Variants in EFL1 observed in about 807,000 individuals in gnomAD.
The protein encoded by EFL1 is elongation factor like GTPase 1, also known as elongation factor-like GTPase 1.
A neutral mutation model predicts 126.7 loss-of-function variants in EFL1; 76 were observed. The observed-to-expected ratio is 0.60, with a 90% CI of 0.50 to 0.73. The LOEUF (loss-of-function observed/expected upper bound fraction) is 0.73. Among genes scored for constraint, EFL1 ranks in the 30% least tolerant of loss-of-function variants. The pLI, the probability that EFL1 is intolerant of heterozygous loss-of-function variation, is 0.00. For missense variants in EFL1, 1,128 were observed against 1,343.2 expected (o/e 0.84, Z 2.50); for synonymous variants, 410 against 448.4 (o/e 0.91, Z 1.08).
intron 6 of EFL1, among the ~76,000 whole-genome samples, chr15:82,239,842 T>C (rs906803462): frequency 2.0e-5 from 3 of 152,190 alleles, no homozygotes; most frequent in African/African-American, 7.2e-5. Context: ...GACTTCTAAC[T>C]CATTCTTCCC....
intron 15 of EFL1, among the ~76,000 whole-genome samples, chr15:82,166,240 C>T (rs1004973421): frequency 6.6e-6 from 1 of 152,200 alleles, no homozygotes; most frequent in Admixed American, 6.5e-5. Flanking sequence ...ATGCAGACTG[C>T]AGATGGTCAG....
intron 15 of EFL1, among the ~76,000 whole-genome samples, chr15:82,208,211 A>T (rs2074546194): frequency 6.6e-6 from 1 of 152,258 alleles, no homozygotes. Flanking sequence ...AGTTTACCAG[A>T]TGGAAAGAAT....
At chr15:82,162,103 A>G (rs922619268) in intron 16 of EFL1, among the ~76,000 whole-genome samples, 7 of 152,062 alleles carry the variant, frequency 4.6e-5, no homozygotes, top group African/African-American at 1.2e-4. Context: ...CATGGGGAGA[A>G]CCCATCTACA....
At chr15:82,217,129 T>C (rs891956712) in intron 14 of EFL1, among the ~76,000 whole-genome samples, 2 of 151,986 alleles carry the variant, frequency 1.3e-5, no homozygotes, top group African/African-American at 4.8e-5. Flanking sequence ...AATATACCCA[T>C]CAGACTGGCA....
At chr15:82,181,535 C>T (rs1043032567) in intron 15 of EFL1, among the ~76,000 whole-genome samples, 8 of 151,990 alleles carry the variant, frequency 5.3e-5, no homozygotes, top group African/African-American at 1.9e-4. Context: ...TCATAATATC[C>T]CCAAGAGAAG....
intron 15 of EFL1, among the ~76,000 whole-genome samples, chr15:82,181,621 C>CGTGT (rs1567053388): frequency 2.1e-5 from 2 of 94,060 alleles, no homozygotes; most frequent in African/African-American, 6.3e-5. Context: ...TATGTGTGTG[C>CGTGT]ATGTGTGTGT....
intron 12 of EFL1, among the ~76,000 whole-genome samples, chr15:82,223,751 T>C (rs1039120623): frequency 2.6e-5 from 4 of 152,220 alleles, no homozygotes; most frequent in Non-Finnish European, 5.9e-5. Flanking sequence ...ACTGAAATAT[T>C]ATCTGGGAGT....
intron 15 of EFL1, among the ~76,000 whole-genome samples, chr15:82,185,998 T>C (rs2074299603): frequency 6.6e-6 from 1 of 152,220 alleles, no homozygotes; most frequent in South Asian, 2.1e-4. Context: ...ATACATCTGC[T>C]ATTTACTTAT....
intron 19 of EFL1, among the ~76,000 whole-genome samples, chr15:82,138,245 T>A (rs1327886702): frequency 6.6e-6 from 1 of 152,180 alleles, no homozygotes; most frequent in Non-Finnish European, 1.5e-5. Flanking sequence ...TGTTCCCCTC[T>A]AATTACTGGA....
At chr15:82,212,364 A>C (rs753389592) in intron 15 of EFL1, among the ~76,000 whole-genome samples, 10 of 152,236 alleles carry the variant, frequency 6.6e-5, no homozygotes, top group Non-Finnish European at 1.3e-4. Context: ...TCATTGCCCT[A>C]GTCCAAATCA....
At chr15:82,260,953 A>T (rs1436722873) in intron 2 of EFL1, among the ~76,000 whole-genome samples, 2 of 152,242 alleles carry the variant, frequency 1.3e-5, no homozygotes, top group Non-Finnish European at 2.9e-5. Context: ...CTTAGCATGA[A>T]GGAGCGCTAT....
chr15:82,251,015 C>A (rs1203640794), intron 4 of EFL1, among the ~76,000 whole-genome samples: 1 of 151,966 alleles, frequency 6.6e-6, no homozygotes, highest in African/African-American at 2.4e-5. Context: ...AGTTCAAGAC[C>A]AGCCTGGCCA....
chr15:82,140,697 C>A (rs2073777227), intron 18 of EFL1, among the ~76,000 whole-genome samples: 1 of 152,150 alleles, frequency 6.6e-6, no homozygotes. Context: ...AACTTCCTTT[C>A]AAATTTAACA....
rs114197077 is a variant in EFL1 at position 82,135,419 on chromosome 15, G to A, written c.3174+3239C>T. 2.0e-3 allele frequency among the ~76,000 whole-genome samples: 307 copies of A among 151,994 alleles called. 2 individuals are homozygous for A. The highest frequency in any genetic ancestry group is 6.8e-3 in the African/African-American group (283 of 41,440). On this transcript the variant is annotated intron_variant, in intron 19 of 19. Transcript: ENST00000268206. Reference sequence around the variant, plus strand: ...TTATACTAGTTGTCCCTAAATATCCGTTCTCTACCTTTCTTTGGTAATAGA... The same window carrying A: ...TTATACTAGTTGTCCCTAAATATCCATTCTCTACCTTTCTTTGGTAATAGA...
intron 15 of EFL1, among the ~76,000 whole-genome samples, chr15:82,164,770 G>A (rs12900544): frequency 0.1 from 15,152 of 151,886 alleles, 1,039 homozygotes; most frequent in East Asian, 0.26. Context: ...GGTGGTGGGC[G>A]CCTGTAGTCC....
chr15:82,247,307 G>A (rs1329571345), intron 4 of EFL1, among the ~76,000 whole-genome samples: 4 of 152,078 alleles, frequency 2.6e-5, no homozygotes, highest in East Asian at 1.9e-4. Context: ...TAGGTGAAAC[G>A]CAGAATCAAT....
intron 15 of EFL1, among the ~76,000 whole-genome samples, chr15:82,180,648 A>G (rs1264281246): frequency 1.3e-5 from 2 of 152,138 alleles, no homozygotes; most frequent in Admixed American, 1.3e-4. Flanking sequence ...ATAAAATAAC[A>G]TTAATCATAT....
intron 12 of EFL1, among the ~76,000 whole-genome samples, chr15:82,223,541 T>C (rs2074733059): frequency 6.6e-6 from 1 of 152,222 alleles, no homozygotes; most frequent in Non-Finnish European, 1.5e-5. Flanking sequence ...AATACTATTA[T>C]TCATCAGCAA....
In EFL1 at chr15:82,259,168, C is replaced by T. The variant is rs1369310840; in HGVS notation, c.92-13G>A. 3 of 1,610,452 alleles carry T rather than the reference C, an allele frequency of 1.9e-6. No homozygotes were observed. The Admixed American group carries it at 5.0e-5, about 27-fold the overall frequency. On this transcript the variant is annotated splice_polypyrimidine_tract_variant and intron_variant, in intron 2 of 19. Coordinates refer to ENST00000268206, the MANE Select transcript of EFL1 (RefSeq NM_024580.6). ...AGAGTAGTTTTTCCTGTTAAAATAG[C>T]AACATCAATTCAAATCTATATCTTT...
Sources: allele counts gnomAD v4.1 joint callset (sites outside exome capture counted in the v4.1 genomes callset), GRCh38; gene constraint gnomAD v4.1.1; transcripts MANE v1.5; gene names NCBI Gene and HGNC (gene_info 2026-07-23, HGNC 2026-07-21).